Variants in ACER2 observed in about 807,000 individuals in gnomAD.
ACER2 encodes the protein alkaline ceramidase 2, also known as alkCDase 2.
Under a neutral mutation model 34.7 loss-of-function variants are expected in ACER2, and 26 were observed. The ratio of observed to expected loss-of-function variants is 0.75; its 90% CI spans 0.55 to 1.04. The LOEUF (loss-of-function observed/expected upper bound fraction) is 1.04. Ranked by LOEUF, ACER2 falls within the 50% of genes least tolerant of loss-of-function variation. ACER2 has a pLI of 0.00. For synonymous variants in ACER2, 138 were observed against 132.1 expected (o/e 1.04, Z -0.31); for missense variants, 352 against 340.8 (o/e 1.03, Z -0.26).
chr9:19,411,545 T>C (rs1345011164), intron 1 of ACER2, among the ~76,000 whole-genome samples: 2 of 151,612 alleles, frequency 1.3e-5, no homozygotes, highest in Non-Finnish European at 2.9e-5. Flanking sequence ...CTTCTTCCCC[T>C]GTGTTCTTAC....
At chr9:19,413,165 T>C (rs1451153968) in intron 1 of ACER2, among the ~76,000 whole-genome samples, 1 of 152,242 alleles carries the variant, frequency 6.6e-6, no homozygotes, top group Non-Finnish European at 1.5e-5. Context: ...TCAAATTGTA[T>C]CATCCTTTGC....
In ACER2 at chr9:19,409,133, G is replaced by A. The variant is rs1244803691; in HGVS notation, c.49G>A (p.Val17Met). ...CCAGCTGCAGGCTGGTAGCTCGGAG[G>A]TGGACTGGTGCGAGGACAACTACAC... ...WDQLQAGSSE[V>M]DWCEDNYTIV... Residue 17 changes from valine to methionine, a missense_variant, in exon 1 of 6, where the codon GTG becomes ATG. Physicochemically the swap from Val to Met is conservative, Grantham distance 21 (BLOSUM62 1). Transcript: ENST00000340967. The A allele has an allele frequency of 1.9e-6, 3 of 1,606,972 alleles. No individual in the cohort carries two copies. The highest frequency in any genetic ancestry group is 2.2e-5 in the East Asian group (1 of 44,634).
intron 4 of ACER2, among the ~76,000 whole-genome samples, chr9:19,441,296 T>A (rs569395771): frequency 6.6e-6 from 1 of 152,064 alleles, no homozygotes; most frequent in Non-Finnish European, 1.5e-5. Context: ...TGATCTGCCC[T>A]CCTTGGCCTC....
Position 19,431,467 on chromosome 9 carries a change from C to T in ACER2, c.366-3480C>T, listed in dbSNP as rs75304393. 4.3e-3 allele frequency among the ~76,000 whole-genome samples: 658 copies of T among 152,276 alleles called. 4 individuals carry two copies. The highest frequency in any genetic ancestry group is 0.015 in the African/African-American group (634 of 41,548). On this transcript the variant is annotated intron_variant, in intron 3 of 5. Coordinates refer to ENST00000340967, the MANE Select transcript of ACER2 (RefSeq NM_001010887.3). ...ATGCACTTTGGGTACAGAGAGGTGA[C>T]GCACTCTGGACATTTCTGATTATGT... is the stretch of plus-strand genomic sequence containing the variant.
chr9:19,414,411 A>G (rs1830177588), intron 1 of ACER2, among the ~76,000 whole-genome samples: 1 of 152,252 alleles, frequency 6.6e-6, no homozygotes, highest in Non-Finnish European at 1.5e-5. Flanking sequence ...AGACTGCAGT[A>G]TGTTCATGAG....
intron 1 of ACER2, among the ~76,000 whole-genome samples, chr9:19,411,967 A>C (rs749204521): frequency 3.3e-5 from 5 of 152,234 alleles, no homozygotes; most frequent in Non-Finnish European, 7.3e-5. Context: ...TAGAGAGTTT[A>C]TGTAACTTGC....
chr9:19,412,689 C>T (rs908217187), intron 1 of ACER2, among the ~76,000 whole-genome samples: 9 of 149,606 alleles, frequency 6.0e-5, no homozygotes, highest in Admixed American at 5.3e-4. Context: ...GCATGTATGG[C>T]GTAATCACGA....
chr9:19,450,549 C>G lies in ACER2; in HGVS notation c.741C>G (p.Phe247Leu). The G allele has an allele frequency of 2.5e-6, 4 of 1,611,786 alleles. No individual in the cohort carries two copies. Among genetic ancestry groups the G allele is most frequent in the Non-Finnish European group, 3.4e-6 (4 of 1,178,156 alleles). ...EIPEQGPVIK[F>L]WPNEKWAFIG... is the part of the protein sequence containing the mutation. ...CTGAGCAAGGCCCTGTCATCAAGTTCTGGCCCAATGAGAAATGGGCCTTCA... is the reference window on the plus strand; with the variant it reads ...CTGAGCAAGGCCCTGTCATCAAGTTGTGGCCCAATGAGAAATGGGCCTTCA... The change falls in exon 6 of 6, where the codon TTC becomes TTG. Residue 247 changes from phenylalanine to leucine, a missense_variant. By Grantham distance (22) the Phe-to-Leu change is conservative. Coordinates refer to ENST00000340967, the MANE Select transcript of ACER2 (RefSeq NM_001010887.3).
At chr9:19,413,735 A>C (rs1192346963) in intron 1 of ACER2, among the ~76,000 whole-genome samples, 1 of 152,186 alleles carries the variant, frequency 6.6e-6, no homozygotes, top group Non-Finnish European at 1.5e-5. Context: ...ACTTGAGGAC[A>C]GAAGAAAGTC....
chr9:19,450,199 A>C (rs1229941160), intron 5 of ACER2: 1 of 985,250 alleles, frequency 1.0e-6, no homozygotes, highest in Admixed American at 6.2e-5. Context: ...ATTTATTTGC[A>C]CATTTGTTCC....
intron 1 of ACER2, among the ~76,000 whole-genome samples, chr9:19,414,266 T>C (rs930677825): frequency 6.6e-6 from 1 of 152,190 alleles, no homozygotes; most frequent in Non-Finnish European, 1.5e-5. Flanking sequence ...ACAATTAAGA[T>C]GGACAGACAA....
chr9:19,423,657 T>C (rs1055641462), intron 1 of ACER2, among the ~76,000 whole-genome samples: 2 of 152,190 alleles, frequency 1.3e-5, no homozygotes, highest in Admixed American at 1.3e-4. Flanking sequence ...GCCAAGATCG[T>C]ACCACTGCAT....
rs1830916324 is a variant in ACER2, at chr9:19,435,084, G to C, written c.503G>C (p.Arg168Thr). The part of the protein sequence containing the change: ...CTALLIAELK[R>T]CDNMRVFKLG... ...GCACTGCTCATCGCAGAGCTAAAGA[G>C]GTAGGTGCCATCATTCCTGCCTACC... is the stretch of plus-strand genomic sequence containing the variant. Residue 168 changes from arginine (R) to threonine (T), a missense_variant and splice_region_variant, in exon 4 of 6, where the codon AGG becomes ACG. Transcript: ENST00000340967. The C allele has an allele frequency of 1.2e-6, 2 of 1,614,034 alleles. No homozygotes were observed. The highest frequency in any genetic ancestry group is 1.3e-5 in the African/African-American group (1 of 75,032).
chr9:19,428,255 C>T (rs1457205966), intron 3 of ACER2, among the ~76,000 whole-genome samples: 1 of 151,848 alleles, frequency 6.6e-6, no homozygotes. Flanking sequence ...GCAACCTCTG[C>T]CTCCCAGGTT....
At chr9:19,415,494 CAATA>C (rs528544612) in intron 1 of ACER2, among the ~76,000 whole-genome samples, 120 of 149,080 alleles carry the variant, frequency 8.0e-4, no homozygotes, top group Non-Finnish European at 1.1e-3. Flanking sequence ...GACTCCATCT[CAATA>C]AATAAATAAA....
chr9:19,439,755 C>A lies in ACER2; in HGVS notation c.503+4671C>A, dbSNP rs145735922. 3.7e-3 allele frequency among the ~76,000 whole-genome samples: 565 copies of A among 152,294 alleles called. 4 individuals are homozygous for A. The highest frequency in any genetic ancestry group is 0.013 in the African/African-American group (539 of 41,558). The stretch of plus-strand genomic sequence containing the variant: ...GGCCGAGGAGGGTGGATCACGAGGT[C>A]AGGAGTTCAAGACTAGCCTGGCCAA... On this transcript the variant is annotated intron_variant, in intron 4 of 5. Coordinates refer to ENST00000340967, the MANE Select transcript of ACER2 (RefSeq NM_001010887.3).
Position 19,423,875 on chromosome 9 carries a change from TATTTTTCATTTTACCGCCCATCTGC to T in ACER2, c.125_149del (p.Phe42CysfsTer17), listed in dbSNP as rs1382951271. ...TTTTTCCTGCAGATCAGCAATGTCTTATTTTTCATTTTACCGCCCATCTGCATGTGCTTGTTTCGTCAGTATGCAA... is the reference window on the plus strand; with the variant it reads ...TTTTTCCTGCAGATCAGCAATGTCTTATGTGCTTGTTTCGTCAGTATGCAA... On this transcript the variant is annotated frameshift_variant, in exon 2 of 6. Coordinates refer to ENST00000340967, the MANE Select transcript of ACER2 (RefSeq NM_001010887.3). LOFTEE classifies it high-confidence loss of function. 6.2e-7 allele frequency: 1 copy of T among 1,613,836 alleles called. No homozygotes were observed.
intron 1 of ACER2, among the ~76,000 whole-genome samples, chr9:19,419,699 A>G (rs531891836): frequency 3.6e-4 from 55 of 152,282 alleles, no homozygotes; most frequent in African/African-American, 6.3e-4. Flanking sequence ...GGAGGCGGAC[A>G]TTACAGTAAG....
Position 19,409,011 on chromosome 9 carries a change from C to A in ACER2, c.-74C>A. The A allele has an allele frequency of 7.5e-7, 1 of 1,329,792 alleles. No individual in the cohort carries two copies. The highest frequency in any genetic ancestry group is 2.8e-5 in the East Asian group (1 of 36,126). 82.4% of individuals were successfully genotyped at this position (1,329,792 alleles called of 1,614,324 possible). Reference sequence around the variant, plus strand: ...AGCCGCTTTCGCCGCTGGCTGTCGCCGCGTTTTGCCTCCGCAGCAGCTCTG... The same window carrying A: ...AGCCGCTTTCGCCGCTGGCTGTCGCAGCGTTTTGCCTCCGCAGCAGCTCTG... On this transcript the variant is annotated 5_prime_UTR_variant, in exon 1 of 6. Transcript: ENST00000340967.
Sources: allele counts gnomAD v4.1 joint callset (sites outside exome capture counted in the v4.1 genomes callset), GRCh38; gene constraint gnomAD v4.1.1; transcripts MANE v1.5; gene names NCBI Gene and HGNC (gene_info 2026-07-23, HGNC 2026-07-21).